The following LRRIQ1 variants were observed in gnomAD, a reference collection of about 807,000 sequenced individuals.
The protein encoded by LRRIQ1 is leucine rich repeats and IQ motif containing 1.
In LRRIQ1, 210 loss-of-function variants were observed where a neutral mutation model predicts 211.9. The ratio of observed to expected loss-of-function variants is 0.99; its 90% CI spans 0.89 to 1.11. The LOEUF is 1.11. Among genes scored for constraint, LRRIQ1 ranks in the 50% most tolerant of loss-of-function variants. The probability of loss-of-function intolerance (pLI) is 0.00; values close to 1 mark genes in which losing one functional copy is unlikely to be tolerated. For synonymous variants in LRRIQ1, 699 were observed against 650.1 expected (o/e 1.08, Z -1.14); for missense variants, 2,136 against 1,939.5 (o/e 1.10, Z -1.90).
intron 26 of LRRIQ1, among the ~76,000 whole-genome samples, chr12:85,233,901 C>G (rs1278638182): frequency 6.6e-6 from 1 of 152,044 alleles, no homozygotes; most frequent in Non-Finnish European, 1.5e-5. Context: ...GAATTGAGAT[C>G]ATAAATCTGC....
chr12:85,258,161 AT>A (rs933423584), intron 1 of LRRIQ1, among the ~76,000 whole-genome samples: 4 of 150,634 alleles, frequency 2.7e-5, no homozygotes, highest in Non-Finnish European at 4.4e-5. Flanking sequence ...AGACAAAAAA[AT>A]GTGTTACTCA....
chr12:85,206,455 A>G (rs899356083), intron 24 of LRRIQ1, among the ~76,000 whole-genome samples: 35 of 152,164 alleles, frequency 2.3e-4, no homozygotes, highest in African/African-American at 8.2e-4. Context: ...ACAGTGGTGC[A>G]GTGGCAGTAA....
chr12:85,136,855 T>A (rs1485648186), intron 18 of LRRIQ1, among the ~76,000 whole-genome samples: 2 of 151,878 alleles, frequency 1.3e-5, no homozygotes, highest in African/African-American at 4.8e-5. Context: ...TTTAAATAAC[T>A]TGTATGGTTA....
intron 24 of LRRIQ1, among the ~76,000 whole-genome samples, chr12:85,218,977 A>G (rs1894278701): frequency 6.6e-6 from 1 of 152,052 alleles, no homozygotes; most frequent in East Asian, 1.9e-4. Context: ...GTAAAATATT[A>G]TTTATCTTAA....
chr12:85,268,156 A>G (rs1323689502), downstream of LRRIQ1, among the ~76,000 whole-genome samples: 1 of 151,906 alleles, frequency 6.6e-6, no homozygotes, highest in Non-Finnish European at 1.5e-5. Flanking sequence ...CCATGAAATG[A>G]TGGGAAATTT....
At chr12:85,106,147 T>C (rs920794478) in intron 14 of LRRIQ1, among the ~76,000 whole-genome samples, 2 of 152,176 alleles carry the variant, frequency 1.3e-5, no homozygotes, top group African/African-American at 2.4e-5. Context: ...TTTTGTTGTA[T>C]ATACAATTTT....
chr12:85,235,997 G>A (rs1895155821), intron 26 of LRRIQ1, among the ~76,000 whole-genome samples: 1 of 152,072 alleles, frequency 6.6e-6, no homozygotes, highest in African/African-American at 2.4e-5. Flanking sequence ...GAAATGAATA[G>A]CAAGGTCAGG....
At chr12:85,074,544 C>A (rs1040433138) in intron 11 of LRRIQ1, among the ~76,000 whole-genome samples, 7 of 151,858 alleles carry the variant, frequency 4.6e-5, no homozygotes, top group Non-Finnish European at 1.0e-4. Context: ...TTCATTCATT[C>A]TGTTTTTTTT....
downstream of LRRIQ1, among the ~76,000 whole-genome samples, chr12:85,245,859 T>C (rs1895693558): frequency 6.6e-6 from 1 of 150,826 alleles, no homozygotes; most frequent in Non-Finnish European, 1.5e-5. Context: ...TACTCACTGG[T>C]ATTATAGTTA....
chr12:85,198,010 ATATAT>A (rs1413451230), intron 24 of LRRIQ1, among the ~76,000 whole-genome samples: 9 of 56,704 alleles, frequency 1.6e-4, no homozygotes, highest in East Asian at 7.0e-4. Context: ...AACATATATA[ATATAT>A]TATATTATTA....
chr12:85,115,563 T>G (rs1887511314), intron 15 of LRRIQ1, among the ~76,000 whole-genome samples: 1 of 152,152 alleles, frequency 6.6e-6, no homozygotes, highest in Non-Finnish European at 1.5e-5. Flanking sequence ...ATTCCTAACG[T>G]AAAAATTCAA....
chr12:85,213,105 TAAAC>T (rs1565907027), intron 24 of LRRIQ1, among the ~76,000 whole-genome samples: 1 of 151,452 alleles, frequency 6.6e-6, no homozygotes, highest in East Asian at 1.9e-4. Flanking sequence ...GAAACAAACT[TAAAC>T]TATAAAGGTG....
chr12:85,157,112 T>A (rs933223822), intron 23 of LRRIQ1, among the ~76,000 whole-genome samples: 1 of 151,782 alleles, frequency 6.6e-6, no homozygotes, highest in Non-Finnish European at 1.5e-5. Flanking sequence ...GTCAATTAAT[T>A]TAAGAAAGTA....
chr12:85,178,912 TA>T lies in LRRIQ1; in HGVS notation c.4822+18211del, dbSNP rs5799723. Among the ~76,000 whole-genome samples, 359 of 143,058 alleles carry T rather than the reference TA, an allele frequency of 2.5e-3. 5 individuals carry two copies. In the East Asian group the frequency reaches 0.036, roughly 15 times the overall value. The allele number at this position is 143,058 out of a possible 152,430, so 93.9% of individuals were successfully genotyped here. A position where few individuals can be genotyped will look rare whatever the true frequency, so the allele number is the denominator to read the frequency against. On this transcript the variant is annotated intron_variant, in intron 24 of 26. Transcript: ENST00000393217. ...ATGAGTAGCACATAGTCTCTGTCTT[TA>T]AAAAAAAAAAAACAGCCTCTGAGTC... is the stretch of plus-strand genomic sequence containing the variant.
intron 1 of LRRIQ1, 48 bp from the exon 2 acceptor site, chr12:85,038,105 A>G: frequency 8.1e-7 from 1 of 1,240,544 alleles, no homozygotes; most frequent in Non-Finnish European, 1.0e-6. Flanking sequence ...CAAATTAGAG[A>G]ACACATAATT....
At chr12:85,163,968 A>G (rs1217440238) in intron 24 of LRRIQ1, among the ~76,000 whole-genome samples, 1 of 152,160 alleles carries the variant, frequency 6.6e-6, no homozygotes, top group East Asian at 1.9e-4. Flanking sequence ...GTCACCTATT[A>G]GCCAGTTTTT....
intron 18 of LRRIQ1, among the ~76,000 whole-genome samples, chr12:85,134,669 G>A (rs1007481912): frequency 2.0e-5 from 3 of 152,030 alleles, no homozygotes; most frequent in African/African-American, 4.8e-5. Flanking sequence ...AAAGAAGCTT[G>A]TAAGATCACG....
chr12:85,223,919 ATTG>A (rs1421139716), intron 24 of LRRIQ1, among the ~76,000 whole-genome samples: 1 of 150,568 alleles, frequency 6.6e-6, no homozygotes, highest in African/African-American at 2.5e-5. Flanking sequence ...ATTAGACAGT[ATTG>A]TTATCAAATT....
chr12:85,183,464 A>T (rs1036885737), intron 24 of LRRIQ1, among the ~76,000 whole-genome samples: 1 of 152,112 alleles, frequency 6.6e-6, no homozygotes, highest in Non-Finnish European at 1.5e-5. Flanking sequence ...CTCAACTCAG[A>T]TATTTGCTCA....
Sources: gnomAD v4.1 joint callset for allele counts (sites outside exome capture counted in the v4.1 genomes callset) on GRCh38, gnomAD v4.1.1 for gene constraint, MANE v1.5 for transcripts, NCBI Gene and HGNC (gene_info 2026-07-23, HGNC 2026-07-21) for gene names.